The following SH3PXD2B variants were observed in gnomAD, a reference collection of about 807,000 sequenced individuals.
The protein encoded by SH3PXD2B is SH3 and PX domain-containing protein 2B.
SH3PXD2B carries 37 observed loss-of-function variants against 73.1 expected under a neutral mutation model. The ratio of observed to expected loss-of-function variants is 0.51; its 90% CI spans 0.39 to 0.67. SH3PXD2B has a LOEUF of 0.67. SH3PXD2B is among the 30% of genes least tolerant of loss of function. SH3PXD2B has a pLI of 0.00. For missense variants in SH3PXD2B, 1,053 were observed against 1,197.8 expected (o/e 0.88, Z 1.78); for synonymous variants, 457 against 480.5 (o/e 0.95, Z 0.64).
At chr5:172,344,011 C>T (rs1477764327) in intron 12 of SH3PXD2B, among the ~76,000 whole-genome samples, 1 of 151,852 alleles carries the variant, frequency 6.6e-6, no homozygotes, top group Non-Finnish European at 1.5e-5. Context: ...CCCTATGATG[C>T]TGGTATTTTG....
downstream of SH3PXD2B, among the ~76,000 whole-genome samples, chr5:172,328,533 C>T (rs1210308801): frequency 6.6e-6 from 1 of 152,166 alleles, no homozygotes; most frequent in Non-Finnish European, 1.5e-5. Context: ...TAATAAATAG[C>T]TCCCTGTTCT....
intron 2 of SH3PXD2B, among the ~76,000 whole-genome samples, chr5:172,410,598 C>T (rs1758670242): frequency 6.6e-6 from 1 of 152,080 alleles, no homozygotes; most frequent in Non-Finnish European, 1.5e-5. Flanking sequence ...TAAAACTTCT[C>T]TAAAAACTAA....
chr5:172,416,516 C>T (rs1234021445), intron 2 of SH3PXD2B, among the ~76,000 whole-genome samples: 3 of 151,414 alleles, frequency 2.0e-5, no homozygotes, highest in Admixed American at 6.6e-5. Flanking sequence ...TTAGTAGAGA[C>T]GGGGTTTCAC....
Position 172,333,924 on chromosome 5 carries a change from C to A in SH3PXD2B, c.*4445G>T. Reference sequence around the variant, plus strand: ...GCACAAAGGCATACATGGGCACACACTGGGGTAAAATGTGGACACCATCGT... The same window carrying A: ...GCACAAAGGCATACATGGGCACACAATGGGGTAAAATGTGGACACCATCGT... On this transcript the variant is annotated 3_prime_UTR_variant, in exon 13 of 13. Coordinates refer to ENST00000311601, the MANE Select transcript of SH3PXD2B (RefSeq NM_001017995.3). 1 of 1,254,038 alleles carries A rather than the reference C, an allele frequency of 8.0e-7. No individual in the cohort carries two copies. The highest frequency in any genetic ancestry group is 1.0e-6 in the Non-Finnish European group (1 of 978,040). 77.7% of individuals were successfully genotyped at this position (1,254,038 alleles called of 1,614,324 possible).
intron 1 of SH3PXD2B, among the ~76,000 whole-genome samples, chr5:172,450,441 T>C (rs774150595): frequency 5.9e-5 from 9 of 152,116 alleles, no homozygotes; most frequent in Non-Finnish European, 8.8e-5. Context: ...GGAAGGTATA[T>C]AGATATAGAT....
chr5:172,430,130 G>T (rs1386642708), intron 1 of SH3PXD2B, among the ~76,000 whole-genome samples: 2 of 152,246 alleles, frequency 1.3e-5, no homozygotes, highest in African/African-American at 4.8e-5. Context: ...CATGCATGTA[G>T]ATTCTTTCGC....
intron 6 of SH3PXD2B, among the ~76,000 whole-genome samples, chr5:172,363,872 T>C (rs1350147906): frequency 6.6e-6 from 1 of 152,140 alleles, no homozygotes; most frequent in Non-Finnish European, 1.5e-5. Flanking sequence ...TGACAAGAGT[T>C]ACATCTTTAA....
At position 172,353,832 on chromosome 5, in the gene SH3PXD2B, C is replaced by A; in HGVS notation, c.785+56G>T. On this transcript the variant is annotated intron_variant, in intron 9 of 12. Transcript: ENST00000311601. The surrounding 1 kb of genome is among the most constrained non-coding windows in gnomAD (Gnocchi z 4.3). ...AGGCCAGAGTCCCTGTGACCCCAAA[C>A]CCACCCAGCGTGACCCCAAACCCAC... The A allele has an allele frequency of 7.0e-7, 1 of 1,436,784 alleles. No homozygotes were observed. The highest frequency in any genetic ancestry group is 9.8e-7 in the Non-Finnish European group (1 of 1,019,956). 89.0% of individuals were successfully genotyped at this position (1,436,784 alleles called of 1,614,324 possible). A position where few individuals can be genotyped will look rare whatever the true frequency, so the allele number is the denominator to read the frequency against.
intron 3 of SH3PXD2B, 55 bp from the exon 4 acceptor site, chr5:172,394,694 G>A (rs1458026783): frequency 1.1e-5 from 18 of 1,588,004 alleles, no homozygotes; most frequent in Non-Finnish European, 1.4e-5. Context: ...CAAGCTCTCA[G>A]CAACCTGAGA....
chr5:172,347,229 C>T (rs1757016316), intron 11 of SH3PXD2B, 54 bp downstream of exon 11: 20 of 1,579,140 alleles, frequency 1.3e-5, no homozygotes, highest in Non-Finnish European at 1.7e-5. Flanking sequence ...CTAGTGGACA[C>T]CCCTCACAGC....
chr5:172,331,193 C>T (rs1011373316), downstream of SH3PXD2B, among the ~76,000 whole-genome samples: 1 of 151,630 alleles, frequency 6.6e-6, no homozygotes, highest in African/African-American at 2.4e-5. Flanking sequence ...AGACTCTTGT[C>T]CAAAAAAATA....
chr5:172,396,738 G>C (rs542839639), intron 3 of SH3PXD2B, among the ~76,000 whole-genome samples: 1 of 151,782 alleles, frequency 6.6e-6, no homozygotes, highest in South Asian at 2.1e-4. Context: ...CCTGAGGTCA[G>C]GAATTTGAGA....
chr5:172,448,765 C>T (rs1759730793), intron 1 of SH3PXD2B, among the ~76,000 whole-genome samples: 1 of 152,212 alleles, frequency 6.6e-6, no homozygotes, highest in African/African-American at 2.4e-5. Context: ...GGGGGGCATT[C>T]GGCCAGTTGT....
intron 1 of SH3PXD2B, among the ~76,000 whole-genome samples, chr5:172,424,764 T>C (rs1299783043): frequency 6.6e-6 from 1 of 152,150 alleles, no homozygotes; most frequent in Non-Finnish European, 1.5e-5. Context: ...TCCTAACTCC[T>C]GGAGCCTCAG....
At chr5:172,331,892 G>A (rs1412421605), downstream of SH3PXD2B, among the ~76,000 whole-genome samples, 5 of 152,208 alleles carry the variant, frequency 3.3e-5, no homozygotes, top group African/African-American at 1.2e-4. Flanking sequence ...GTTGCAGTGA[G>A]CCAAGATTGC....
intron 1 of SH3PXD2B, among the ~76,000 whole-genome samples, chr5:172,428,200 C>A (rs1759146861): frequency 6.6e-6 from 1 of 152,212 alleles, no homozygotes; most frequent in Admixed American, 6.5e-5. Context: ...ATCTGAGAAA[C>A]AACTTCTATG....
chr5:172,344,062 A>G (rs1756922047), intron 12 of SH3PXD2B, among the ~76,000 whole-genome samples: 1 of 152,080 alleles, frequency 6.6e-6, no homozygotes. Context: ...TCAAGGAGGT[A>G]AGGTACCTGA....
intron 1 of SH3PXD2B, among the ~76,000 whole-genome samples, chr5:172,452,990 A>G (rs1049855721): frequency 9.2e-5 from 14 of 152,200 alleles, no homozygotes; most frequent in African/African-American, 2.9e-4. Context: ...TGCCCAGCCA[A>G]TAACAATACA....
At chr5:172,440,376 C>A (rs909841029) in intron 1 of SH3PXD2B, among the ~76,000 whole-genome samples, 4 of 152,232 alleles carry the variant, frequency 2.6e-5, no homozygotes, top group African/African-American at 9.6e-5. Flanking sequence ...CATTTTGGCC[C>A]TGCCTCGATG....
Sources: gnomAD v4.1 joint callset for allele counts (sites outside exome capture counted in the v4.1 genomes callset) on GRCh38, gnomAD v4.1.1 for gene constraint, Gnocchi (gnomAD v3.1) non-coding constraint, MANE v1.5 for transcripts, NCBI Gene and HGNC (gene_info 2026-07-23, HGNC 2026-07-21) for gene names.